SPATA6L: variants seen among roughly 807,000 people sequenced by gnomAD.
SPATA6L encodes the protein spermatogenesis associated 6-like protein.
In SPATA6L, 68 loss-of-function variants were observed where a neutral mutation model predicts 49.2. The ratio of observed to expected loss-of-function variants is 1.38; its 90% CI spans 1.14 to 1.69. The LOEUF (loss-of-function observed/expected upper bound fraction) is 1.69, where lower values mean the gene tolerates loss of function less well. Ranked by LOEUF, SPATA6L falls within the 40% of genes most tolerant of loss-of-function variation. The probability of loss-of-function intolerance (pLI) is 0.00; values close to 1 mark genes in which losing one functional copy is unlikely to be tolerated. For synonymous variants in SPATA6L, 198 were observed against 165.7 expected, an observed-to-expected ratio of 1.19 and a Z score of -1.50; for missense variants, 668 against 464.3, an observed-to-expected ratio of 1.44 and a Z score of -4.03.
Position 4,662,864 on chromosome 9 carries a change from C to T in SPATA6L, c.40-828G>A. 6.2e-7 allele frequency: 1 copy of T among 1,605,606 alleles called. No homozygotes were observed. Among genetic ancestry groups the T allele is most frequent in the Admixed American group, 1.7e-5 (1 of 60,022 alleles). On this transcript the variant is annotated intron_variant, in intron 1 of 11. Coordinates refer to ENST00000682582, the MANE Select transcript of SPATA6L (RefSeq NM_001353486.2). The surrounding 1 kb of genome is among the most constrained non-coding windows in gnomAD (Gnocchi z 4.9). Reference sequence around the variant, plus strand: ...GCAGGAGCGACAGCTGGGCCGGGCGCGAGGTGCTGATGAACCTGCTCTTCG... The same window carrying T: ...GCAGGAGCGACAGCTGGGCCGGGCGTGAGGTGCTGATGAACCTGCTCTTCG...
At chr9:4,663,234 G>C in intron 1 of SPATA6L, 1 of 1,614,016 alleles carries the variant, frequency 6.2e-7, no homozygotes, top group South Asian at 1.1e-5. Context: ...TAATGCTCCG[G>C]TCCTCTTTTT....
intron 3 of SPATA6L, among the ~76,000 whole-genome samples, chr9:4,648,662 T>C (rs199664144): frequency 2.0e-5 from 3 of 147,618 alleles, no homozygotes; most frequent in South Asian, 2.1e-4. Context: ...ATTGCGCCAC[T>C]GCACTCCAGC....
At chr9:4,605,506 A>G (rs1321550633) in intron 9 of SPATA6L, 66 bp from the exon 10 acceptor site, 4 of 1,088,970 alleles carry the variant, frequency 3.7e-6, no homozygotes, top group Admixed American at 3.6e-5. Context: ...AAAGCACATG[A>G]CGGTATGGAT....
chr9:4,644,231 A>G (rs1339467487), intron 3 of SPATA6L, among the ~76,000 whole-genome samples: 1 of 139,412 alleles, frequency 7.2e-6, no homozygotes, highest in Non-Finnish European at 1.5e-5. Context: ...GTAGCTGGGC[A>G]TGGTGCATGC....
chr9:4,648,749 T>G (rs757977982), intron 3 of SPATA6L, among the ~76,000 whole-genome samples: 1 of 142,400 alleles, frequency 7.0e-6, no homozygotes, highest in Non-Finnish European at 1.5e-5. Context: ...TTAGTGGTGA[T>G]CTGTGAGATT....
intron 5 of SPATA6L, chr9:4,627,793 C>T (rs1316536576): frequency 7.8e-7 from 1 of 1,289,296 alleles, no homozygotes; most frequent in East Asian, 5.5e-5. Context: ...TCAGCCTCAG[C>T]AAAAGAAAGG....
At position 4,605,279 on chromosome 9, in the gene SPATA6L, C is replaced by T. The variant is rs1246483519; in HGVS notation, c.1089+68G>A. 10 of 1,223,104 alleles carry T rather than the reference C, an allele frequency of 8.2e-6. No homozygotes were observed. The Admixed American group carries it at 1.6e-4, about 19-fold the overall frequency. The allele number at this position is 1,223,104 out of a possible 1,614,324, so 75.8% of individuals were successfully genotyped here. On this transcript the variant is annotated intron_variant, in intron 10 of 11. Transcript: ENST00000682582. ...ATTTGATTAATGTCTGTCTCCCCGA[C>T]TAGACTGTAGGTCCCTGTTCACATA...
At chr9:4,632,097 T>C (rs1162100837) in intron 4 of SPATA6L, among the ~76,000 whole-genome samples, 1 of 144,234 alleles carries the variant, frequency 6.9e-6, no homozygotes, top group Non-Finnish European at 1.5e-5. Context: ...TGGAGTGCAG[T>C]GGCATGATCT....
intron 9 of SPATA6L, among the ~76,000 whole-genome samples, 196 bp from the exon 10 acceptor site, chr9:4,605,636 C>G (rs1409137864): frequency 9.9e-5 from 15 of 152,184 alleles, no homozygotes; most frequent in Non-Finnish European, 1.5e-5. Flanking sequence ...AAAAACTGCT[C>G]AGATGTTAAG....
At chr9:4,648,233 C>G (rs1183508874) in intron 3 of SPATA6L, among the ~76,000 whole-genome samples, 2 of 152,138 alleles carry the variant, frequency 1.3e-5, no homozygotes, top group Non-Finnish European at 2.9e-5. Flanking sequence ...TGCCAAGAAA[C>G]TTAAAAACCA....
chr9:4,620,131 C>A (rs1347257660), intron 7 of SPATA6L, among the ~76,000 whole-genome samples: 4 of 152,138 alleles, frequency 2.6e-5, no homozygotes, highest in Non-Finnish European at 4.4e-5. Flanking sequence ...TTCTCTCCCA[C>A]CCCCAGCTGG....
intron 13 of SPATA6L, among the ~76,000 whole-genome samples, chr9:4,592,130 C>A (rs1821941310): frequency 6.6e-6 from 1 of 152,072 alleles, no homozygotes; most frequent in African/African-American, 2.4e-5. Context: ...GCCTGGCCAA[C>A]ATGATGAAAC....
intron 4 of SPATA6L, among the ~76,000 whole-genome samples, chr9:4,629,732 G>A (rs1030893228): frequency 7.4e-6 from 1 of 135,544 alleles, no homozygotes; most frequent in Admixed American, 7.8e-5. Flanking sequence ...GTACCATACT[G>A]TCTAAAATAT....
At chr9:4,618,483 A>C (rs748978795) in intron 8 of SPATA6L, among the ~76,000 whole-genome samples, 4 of 152,208 alleles carry the variant, frequency 2.6e-5, no homozygotes, top group Non-Finnish European at 4.4e-5. Flanking sequence ...GCATAAATCT[A>C]TTCTCATGTT....
chr9:4,604,264 A>T lies in SPATA6L; in HGVS notation c.1095T>A (p.Asp365Glu). ...HRAQLHQNKE[D>E]STSEVNYIIE... The stretch of plus-strand genomic sequence containing the variant: ...TGATATAATTTACTTCAGAGGTAGA[A>T]TCTTCCTACAATAAAAACAAATCCA... The change falls in exon 11 of 12, where the codon GAT (aspartate) becomes GAA (glutamate). Residue 365 changes from aspartate (D) to glutamate (E), a missense_variant. By Grantham distance (45) the Asp-to-Glu change is conservative. Coordinates refer to ENST00000682582, the MANE Select transcript of SPATA6L (RefSeq NM_001353486.2). 6.2e-7 allele frequency: 1 copy of T among 1,600,966 alleles called. No homozygotes were observed. Among genetic ancestry groups the T allele is most frequent in the South Asian group, 1.1e-5 (1 of 90,478 alleles).
intron 7 of SPATA6L, among the ~76,000 whole-genome samples, chr9:4,621,688 A>G (rs1254148385): frequency 1.3e-5 from 2 of 152,080 alleles, no homozygotes; most frequent in Non-Finnish European, 2.9e-5. Context: ...GGGTTTCTCT[A>G]TGTTGGTCAG....
intron 13 of SPATA6L, among the ~76,000 whole-genome samples, chr9:4,591,664 C>T (rs190711312): frequency 6.6e-6 from 1 of 152,308 alleles, no homozygotes; most frequent in Non-Finnish European, 1.5e-5. Context: ...GTGTCAACTT[C>T]ACATGAATCA....
At chr9:4,609,814 G>A (rs972929637) in intron 9 of SPATA6L, among the ~76,000 whole-genome samples, 3 of 151,258 alleles carry the variant, frequency 2.0e-5, no homozygotes, top group African/African-American at 7.4e-5. Context: ...GGCAGGAGAA[G>A]GAAATAAAGG....
intron 3 of SPATA6L, among the ~76,000 whole-genome samples, chr9:4,641,690 G>T (rs187700542): frequency 6.6e-6 from 1 of 152,172 alleles, no homozygotes; most frequent in Non-Finnish European, 1.5e-5. Flanking sequence ...GGGTATGCGC[G>T]TGCATGTGTG....
Sources: allele counts gnomAD v4.1 joint callset (sites outside exome capture counted in the v4.1 genomes callset), GRCh38; gene constraint gnomAD v4.1.1; non-coding constraint Gnocchi (gnomAD v3.1); transcripts MANE v1.5; gene names NCBI Gene and HGNC (gene_info 2026-07-23, HGNC 2026-07-21).